The following BMP7 variants were observed in gnomAD, a reference collection of about 807,000 sequenced individuals.
The protein encoded by BMP7 is bone morphogenetic protein 7.
In BMP7, 12 loss-of-function variants were observed where a neutral mutation model predicts 41.2. That is an observed-to-expected ratio of 0.29 (90% CI 0.19 to 0.47). BMP7 has a LOEUF of 0.47. Among genes scored for constraint, BMP7 ranks in the 20% least tolerant of loss-of-function variants. The pLI is 0.99. For missense variants in BMP7, 467 were observed against 606.0 expected (o/e 0.77, Z 2.41); for synonymous variants, 248 against 250.0 (o/e 0.99, Z 0.07).
At chr20:57,190,252 A>G (rs549928834) in intron 3 of BMP7, among the ~76,000 whole-genome samples, 1 of 144,870 alleles carries the variant, frequency 6.9e-6, no homozygotes, top group Non-Finnish European at 1.5e-5. Flanking sequence ...CCGAGGAACC[A>G]GAGGAGGTGA....
chr20:57,195,654 G>A lies in BMP7; in HGVS notation c.760+6821C>T, dbSNP rs553889953. On this transcript the variant is annotated intron_variant, in intron 3 of 6. Transcript: ENST00000395863. ...GTGGGGCTTAGTTTCCACAGCCGCC[G>A]CAGGCGAGTGGCTCACCTCCTGGCT... Among the ~76,000 whole-genome samples the A allele has an allele frequency of 2.4e-4, 37 of 152,362 alleles. 1 individual carries two copies. Among genetic ancestry groups the A allele is most frequent in the African/African-American group, 7.2e-4 (30 of 41,596 alleles).
intron 2 of BMP7, among the ~76,000 whole-genome samples, chr20:57,223,583 T>C (rs955416219): frequency 5.3e-5 from 8 of 152,344 alleles, no homozygotes; most frequent in Middle Eastern, 6.8e-3. Context: ...TCTGCCACTT[T>C]GTAGCTGTGT....
intron 2 of BMP7, among the ~76,000 whole-genome samples, chr20:57,226,795 A>G (rs2066008769): frequency 6.9e-6 from 1 of 145,550 alleles, no homozygotes; most frequent in South Asian, 2.2e-4. Flanking sequence ...TTGATTTTAT[A>G]CCATGAACAT....
chr20:57,218,234 T>G (rs1445778854), intron 2 of BMP7, among the ~76,000 whole-genome samples: 1 of 152,246 alleles, frequency 6.6e-6, no homozygotes, highest in African/African-American at 2.4e-5. Context: ...GGGAGCTTGT[T>G]TTTAAACATT....
chr20:57,185,021 G>A (rs1300844486), intron 3 of BMP7, among the ~76,000 whole-genome samples: 1 of 152,154 alleles, frequency 6.6e-6, no homozygotes, highest in African/African-American at 2.4e-5. Flanking sequence ...GAACCACTGG[G>A]GTGGGACTTT....
At chr20:57,234,539 C>T (rs2123123196) in intron 1 of BMP7, among the ~76,000 whole-genome samples, 1 of 152,356 alleles carries the variant, frequency 6.6e-6, no homozygotes, top group Non-Finnish European at 1.5e-5. Flanking sequence ...CCCCTTTAAG[C>T]TAACTCTAGT....
chr20:57,260,802 C>T (rs1238049799), intron 1 of BMP7, among the ~76,000 whole-genome samples: 3 of 152,224 alleles, frequency 2.0e-5, no homozygotes, highest in Admixed American at 6.5e-5. Context: ...TGCATTAAGG[C>T]GAAGCCTTGC....
intron 2 of BMP7, among the ~76,000 whole-genome samples, chr20:57,210,326 C>T (rs567254494): frequency 1.1e-4 from 16 of 152,338 alleles, no homozygotes; most frequent in African/African-American, 3.6e-4. Flanking sequence ...GACGAGGAAC[C>T]GCACATCCCC....
At chr20:57,191,867 T>C (rs1984366857) in intron 3 of BMP7, among the ~76,000 whole-genome samples, 1 of 137,072 alleles carries the variant, frequency 7.3e-6, no homozygotes, top group African/African-American at 2.8e-5. Flanking sequence ...AATATACATA[T>C]ACTATATATT....
intron 2 of BMP7, among the ~76,000 whole-genome samples, chr20:57,204,181 T>C (rs1296490933): frequency 1.3e-5 from 2 of 152,174 alleles, no homozygotes; most frequent in Non-Finnish European, 2.9e-5. Context: ...GTCAACCTCG[T>C]TGGAATGTAA....
At chr20:57,221,161 G>A (rs1346144080) in intron 2 of BMP7, among the ~76,000 whole-genome samples, 2 of 151,956 alleles carry the variant, frequency 1.3e-5, no homozygotes, top group African/African-American at 4.8e-5. Flanking sequence ...TCTCTGCTGG[G>A]CCCCACTCAG....
intron 1 of BMP7, among the ~76,000 whole-genome samples, chr20:57,245,505 C>A (rs962853650): frequency 6.6e-6 from 1 of 151,916 alleles, no homozygotes; most frequent in African/African-American, 2.4e-5. Flanking sequence ...AGGCACCCTA[C>A]GGGGCCCAGA....
At position 57,183,904 on chromosome 20, in the gene BMP7, G is replaced by A. The variant is rs768064909; in HGVS notation, c.776C>T (p.Pro259Leu). Residue 259 changes from proline to leucine, a missense_variant, in exon 4 of 7, where the codon CCC becomes CTC. Transcript: ENST00000395863. ...VETLDGQSIN[P>L]KLAGLIGRHG... ...CCGCCCAATCAGGCCCGCCAACTTG[G>A]GGTTGATGCTCTGCCCTGGACAGGA... The A allele has an allele frequency of 6.2e-7, 1 of 1,613,854 alleles. No homozygotes were observed. The highest frequency in any genetic ancestry group is 1.1e-5 in the South Asian group (1 of 91,074).
At chr20:57,212,041 G>A (rs1352210370) in intron 2 of BMP7, among the ~76,000 whole-genome samples, 1 of 152,174 alleles carries the variant, frequency 6.6e-6, no homozygotes, top group Non-Finnish European at 1.5e-5. Context: ...GAGACACAGC[G>A]GCAGCCAGAG....
Position 57,171,248 on chromosome 20 carries a change from T to C in BMP7, c.1147-140A>G, listed in dbSNP as rs892388588. The C allele has an allele frequency of 5.7e-6, 7 of 1,219,716 alleles. No individual in the cohort carries two copies. Among genetic ancestry groups the C allele is most frequent in the African/African-American group, 3.0e-5 (2 of 66,736 alleles). The allele number at this position is 1,219,716 out of a possible 1,614,324, so 75.6% of individuals were successfully genotyped here. ...CACTCCCCAAGCCAAGCACTCCCTG[T>C]TCTAAGCACTTTACATGGACAACTC... On this transcript the variant is annotated intron_variant, in intron 6 of 6. Transcript: ENST00000395863. The surrounding 1 kb of genome is among the most constrained non-coding windows in gnomAD (Gnocchi z 4.5).
At chr20:57,223,539 G>A (rs1022720016) in intron 2 of BMP7, among the ~76,000 whole-genome samples, 1 of 152,230 alleles carries the variant, frequency 6.6e-6, no homozygotes, top group African/African-American at 2.4e-5. Flanking sequence ...GATGGTGACT[G>A]CTGAAATCTA....
chr20:57,208,476 T>C (rs1401887824), intron 2 of BMP7, among the ~76,000 whole-genome samples: 1 of 152,206 alleles, frequency 6.6e-6, no homozygotes, highest in Non-Finnish European at 1.5e-5. Flanking sequence ...AGTGGAACTC[T>C]CATATACTAA....
chr20:57,260,349 C>T (rs554494416), intron 1 of BMP7, among the ~76,000 whole-genome samples: 2 of 152,330 alleles, frequency 1.3e-5, no homozygotes, highest in South Asian at 4.1e-4. Context: ...TGTCCACCTG[C>T]ATCTGGAATC....
intron 3 of BMP7, among the ~76,000 whole-genome samples, chr20:57,187,572 T>TCTCC (rs1250812698): frequency 4.6e-5 from 7 of 151,332 alleles, no homozygotes; most frequent in Non-Finnish European, 8.9e-5. Flanking sequence ...TCTCTCTCTC[T>TCTCC]CTCTCTCTCT....
Sources: allele counts gnomAD v4.1 joint callset (sites outside exome capture counted in the v4.1 genomes callset), GRCh38; gene constraint gnomAD v4.1.1; non-coding constraint Gnocchi (gnomAD v3.1); transcripts MANE v1.5; gene names NCBI Gene and HGNC (gene_info 2026-07-23, HGNC 2026-07-21).